The following NFX1 variants were observed in gnomAD, a reference collection of about 807,000 sequenced individuals.
NFX1 encodes transcriptional repressor NF-X1.
NFX1 carries 69 observed loss-of-function variants against 137.2 expected under a neutral mutation model. That is an observed-to-expected ratio of 0.50 (90% CI 0.41 to 0.61). The LOEUF (loss-of-function observed/expected upper bound fraction) is 0.61, where lower values mean the gene tolerates loss of function less well. Ranked by LOEUF, NFX1 falls within the 20% of genes least tolerant of loss-of-function variation. The pLI is 0.00. For missense variants in NFX1, 1,167 were observed against 1,391.0 expected, an observed-to-expected ratio of 0.84 and a Z score of 2.56; for synonymous variants, 495 against 474.1, an observed-to-expected ratio of 1.04 and a Z score of -0.57.
chr9:33,365,617 A>T (rs1364801821), intron 21 of NFX1: 1 of 152,258 alleles, frequency 6.6e-6, no homozygotes, highest in Admixed American at 6.5e-5. Context: ...TCAATAAAAA[A>T]GAAAGAAAGA....
intron 19 of NFX1, among the ~76,000 whole-genome samples, chr9:33,358,144 A>T (rs1226745973): frequency 1.3e-5 from 2 of 150,998 alleles, no homozygotes; most frequent in Non-Finnish European, 3.0e-5. Flanking sequence ...TTTTTTTTTG[A>T]GACAGAGTCT....
Position 33,339,735 on chromosome 9 carries a change from C to T in NFX1, c.2115+1146C>T, listed in dbSNP as rs187537841. On this transcript the variant is annotated intron_variant, in intron 12 of 23. Coordinates refer to ENST00000379540, the MANE Select transcript of NFX1 (RefSeq NM_002504.6). ...TTACTTCCTAGGTCCAATGGGAGTA[C>T]AGGCATTGGGTATATACAGCCATTC... Among the ~76,000 whole-genome samples the T allele has an allele frequency of 2.0e-4, 30 of 152,362 alleles. No individual in the cohort carries two copies. In the East Asian group the frequency reaches 4.8e-3, roughly 24 times the overall value.
chr9:33,356,953 C>T (rs1823829156), intron 19 of NFX1, among the ~76,000 whole-genome samples: 1 of 146,780 alleles, frequency 6.8e-6, no homozygotes, highest in African/African-American at 2.5e-5. Context: ...GATCACCAGT[C>T]TGGACTATAC....
chr9:33,307,610 T>A (rs758944962), intron 5 of NFX1, among the ~76,000 whole-genome samples: 1 of 152,188 alleles, frequency 6.6e-6, no homozygotes, highest in Non-Finnish European at 1.5e-5. Flanking sequence ...CAGTGCTGCT[T>A]CCATTACATT....
chr9:33,361,473 C>T (rs1032256485), intron 19 of NFX1, among the ~76,000 whole-genome samples: 4 of 151,922 alleles, frequency 2.6e-5, no homozygotes, highest in Non-Finnish European at 5.9e-5. Context: ...AATGGCGGTA[C>T]TTAAAATTAT....
chr9:33,311,385 A>G (rs1173788916), intron 6 of NFX1, among the ~76,000 whole-genome samples: 2 of 152,246 alleles, frequency 1.3e-5, no homozygotes, highest in African/African-American at 4.8e-5. Context: ...AAGAGAGCCA[A>G]GTGGGCAACT....
intron 9 of NFX1, among the ~76,000 whole-genome samples, chr9:33,327,521 C>T (rs539569399): frequency 1.5e-4 from 23 of 152,264 alleles, no homozygotes; most frequent in African/African-American, 4.3e-4. Flanking sequence ...GGCGCCACCA[C>T]GCCTGGCTAA....
chr9:33,367,236 G>A (rs1309411633), intron 22 of NFX1, among the ~76,000 whole-genome samples: 1 of 152,186 alleles, frequency 6.6e-6, no homozygotes, highest in Non-Finnish European at 1.5e-5. Context: ...GACCAGGAGG[G>A]GACAGGGAGG....
intron 19 of NFX1, among the ~76,000 whole-genome samples, chr9:33,362,921 C>G (rs1257944738): frequency 1.3e-5 from 2 of 151,852 alleles, no homozygotes; most frequent in Non-Finnish European, 2.9e-5. Flanking sequence ...TCAGGCTGGT[C>G]TCGAGCTCCC....
At chr9:33,334,261 C>T (rs1423444503) in intron 11 of NFX1, among the ~76,000 whole-genome samples, 2 of 152,190 alleles carry the variant, frequency 1.3e-5, no homozygotes, top group Non-Finnish European at 2.9e-5. Context: ...TCAAGACCAG[C>T]CTGGGCAACA....
rs986183621 is a variant in NFX1 at position 33,290,704 on chromosome 9, C to T, written c.25+107C>T. 23 of 1,129,960 alleles carry T rather than the reference C, an allele frequency of 2.0e-5. No individual in the cohort carries two copies. In the African/African-American group the frequency reaches 3.0e-4, roughly 15 times the overall value. 70.0% of individuals were successfully genotyped at this position (1,129,960 alleles called of 1,614,324 possible). Reference sequence around the variant, plus strand: ...ACTCATATCGCGAGAGTAGCACATGCTAGGGCGTAGGATAGTGGCTCGGAA... The same window carrying T: ...ACTCATATCGCGAGAGTAGCACATGTTAGGGCGTAGGATAGTGGCTCGGAA... On this transcript the variant is annotated intron_variant, in intron 1 of 23. Coordinates refer to ENST00000379540, the MANE Select transcript of NFX1 (RefSeq NM_002504.6).
At chr9:33,349,113 G>C (rs1021204332) in intron 15 of NFX1, among the ~76,000 whole-genome samples, 4 of 151,886 alleles carry the variant, frequency 2.6e-5, no homozygotes, top group Admixed American at 6.6e-5. Context: ...TGTTATCTTC[G>C]TACTGATGGC....
At chr9:33,296,724 G>A (rs944517861) in intron 2 of NFX1, among the ~76,000 whole-genome samples, 1 of 151,734 alleles carries the variant, frequency 6.6e-6, no homozygotes, top group Non-Finnish European at 1.5e-5. Context: ...ACCCTGTTTT[G>A]CGGGGGGAAA....
At chr9:33,320,046 C>T (rs941694507) in intron 9 of NFX1, among the ~76,000 whole-genome samples, 1 of 151,586 alleles carries the variant, frequency 6.6e-6, no homozygotes. Flanking sequence ...ACTGCAACCT[C>T]TACCTCCTGG....
At chr9:33,346,961 G>A (rs1010551558) in intron 14 of NFX1, 77 bp from the exon 15 acceptor site, 54 of 1,111,176 alleles carry the variant, frequency 4.9e-5, no homozygotes, top group Non-Finnish European at 6.8e-5. Context: ...CATGCCGTAT[G>A]CCACTTATAT....
chr9:33,368,533 G>T (rs1398002422), intron 23 of NFX1, among the ~76,000 whole-genome samples: 1 of 152,178 alleles, frequency 6.6e-6, no homozygotes, highest in East Asian at 1.9e-4. Context: ...AGAGCACTTG[G>T]TCATAGCCCC....
intron 23 of NFX1, among the ~76,000 whole-genome samples, chr9:33,368,183 C>G (rs1182729721): frequency 2.0e-5 from 3 of 151,670 alleles, no homozygotes; most frequent in Non-Finnish European, 4.4e-5. Context: ...TGCAGTGAGC[C>G]GAGATCGCAC....
intron 11 of NFX1, among the ~76,000 whole-genome samples, chr9:33,337,552 G>T (rs973636359): frequency 6.6e-6 from 1 of 152,014 alleles, no homozygotes; most frequent in Non-Finnish European, 1.5e-5. Context: ...GAGTTTTAAA[G>T]GTGAAAATTG....
At chr9:33,342,896 G>T in intron 13 of NFX1, 42 bp downstream of exon 13, 1 of 1,302,710 alleles carries the variant, frequency 7.7e-7, no homozygotes, top group South Asian at 1.3e-5. Context: ...GAGTTTTTTA[G>T]AAATTCAGAC....
Sources: gnomAD v4.1 joint callset for allele counts (sites outside exome capture counted in the v4.1 genomes callset) on GRCh38, gnomAD v4.1.1 for gene constraint, MANE v1.5 for transcripts, NCBI Gene and HGNC (gene_info 2026-07-23, HGNC 2026-07-21) for gene names.